LMCD1: variants seen among roughly 807,000 people sequenced by gnomAD.
LMCD1 encodes LIM and cysteine-rich domains protein 1.
LMCD1 carries 32 observed loss-of-function variants against 42.7 expected under a neutral mutation model. The observed-to-expected ratio is 0.75, with a 90% confidence interval of 0.57 to 1.01. The LOEUF is 1.01. Ranked by LOEUF, LMCD1 falls within the 50% of genes least tolerant of loss-of-function variation. The pLI is 0.00. For synonymous variants in LMCD1, 178 were observed against 184.9 expected (o/e 0.96, Z 0.30); for missense variants, 458 against 483.1 (o/e 0.95, Z 0.49).
At chr3:8,557,638 G>A (rs759533711) in intron 4 of LMCD1, among the ~76,000 whole-genome samples, 23 of 152,176 alleles carry the variant, frequency 1.5e-4, no homozygotes, top group Admixed American at 7.9e-4. Context: ...CCATTGTCCC[G>A]AGTCTGCTGT....
At chr3:8,532,038 G>A (rs1264454927) in intron 1 of LMCD1, among the ~76,000 whole-genome samples, 1 of 152,120 alleles carries the variant, frequency 6.6e-6, no homozygotes, top group Admixed American at 6.5e-5. Context: ...GCTGGAGTCG[G>A]GTCTAAGGGT....
At chr3:8,526,633 G>T (rs962118482) in intron 1 of LMCD1, among the ~76,000 whole-genome samples, 6 of 152,164 alleles carry the variant, frequency 3.9e-5, no homozygotes, top group Non-Finnish European at 4.4e-5. Context: ...CAGAATGTTT[G>T]ATTTCATAGG....
intron 4 of LMCD1, among the ~76,000 whole-genome samples, chr3:8,554,905 A>G (rs1694903492): frequency 6.6e-6 from 1 of 152,108 alleles, no homozygotes. Context: ...ATAGCCTTTA[A>G]TGTGATCTCT....
At position 8,571,268 on chromosome 3, in the gene LMCD1, G is replaced by A. The variant is rs142692700; in HGVS notation, c.*3670G>A. 4 of 152,144 alleles carry A rather than the reference G, an allele frequency of 2.6e-5. No individual in the cohort carries two copies. Among genetic ancestry groups the A allele is most frequent in the East Asian group, 3.9e-4 (2 of 5,182 alleles). The allele number at this position is 152,144 out of a possible 1,614,324, so 9.4% of individuals were successfully genotyped here. A position where few individuals can be genotyped will look rare whatever the true frequency, so the allele number is the denominator to read the frequency against. ...CCCTATGAACTTCTAAAGAATAATC[G>A]TATTATCTTTATTTCCCCAACTCTT... On this transcript the variant is annotated 3_prime_UTR_variant, in exon 6 of 6. Coordinates refer to ENST00000157600, the MANE Select transcript of LMCD1 (RefSeq NM_014583.4).
At chr3:8,537,668 A>T in intron 3 of LMCD1, 1 of 445,866 alleles carries the variant, frequency 2.2e-6, no homozygotes, top group Non-Finnish European at 3.9e-6. Flanking sequence ...GTTCATATGG[A>T]CCCCAAGAGG....
At chr3:8,526,787 G>A (rs893173994) in intron 1 of LMCD1, among the ~76,000 whole-genome samples, 3 of 152,186 alleles carry the variant, frequency 2.0e-5, no homozygotes, top group Non-Finnish European at 2.9e-5. Context: ...CCTTCACACA[G>A]TGCCTGGAAA....
intron 1 of LMCD1, among the ~76,000 whole-genome samples, chr3:8,522,991 T>C (rs1174226150): frequency 6.6e-6 from 1 of 152,086 alleles, no homozygotes; most frequent in African/African-American, 2.4e-5. Flanking sequence ...ACACAAACCA[T>C]GTAATAGGAA....
chr3:8,567,428 T>A lies in LMCD1; in HGVS notation c.940-12T>A, dbSNP rs1256973712. On this transcript the variant is annotated splice_polypyrimidine_tract_variant and intron_variant, in intron 5 of 5. Coordinates refer to ENST00000157600, the MANE Select transcript of LMCD1 (RefSeq NM_014583.4). Reference sequence around the variant, plus strand: ...AAACTGAGTCATGCATTTCTCCTGCTCCCCTCCCCAGATAATATTCGCTGA... The same window carrying A: ...AAACTGAGTCATGCATTTCTCCTGCACCCCTCCCCAGATAATATTCGCTGA... 5.0e-6 allele frequency: 8 copies of A among 1,612,828 alleles called. No homozygotes were observed. Among genetic ancestry groups the A allele is most frequent in the Non-Finnish European group, 6.8e-6 (8 of 1,179,188 alleles).
chr3:8,532,438 C>G (rs1694429537), intron 1 of LMCD1, among the ~76,000 whole-genome samples: 1 of 152,122 alleles, frequency 6.6e-6, no homozygotes. Flanking sequence ...TCACTCACAG[C>G]AGGGCGTTTC....
chr3:8,518,754 G>C (rs953780742), intron 1 of LMCD1, among the ~76,000 whole-genome samples: 1 of 152,170 alleles, frequency 6.6e-6, no homozygotes, highest in Non-Finnish European at 1.5e-5. Context: ...TCTAAGAAGA[G>C]AGGAGAAGAG....
chr3:8,530,438 C>A (rs1246143351), intron 1 of LMCD1, among the ~76,000 whole-genome samples: 23 of 152,214 alleles, frequency 1.5e-4, no homozygotes, highest in Non-Finnish European at 3.2e-4. Context: ...TATTCTAAAT[C>A]AAACCCCGAG....
At chr3:8,539,799 TTATTATTATTATTA>T (rs1694585084) in intron 3 of LMCD1, among the ~76,000 whole-genome samples, 3 of 75,738 alleles carry the variant, frequency 4.0e-5, no homozygotes, top group Admixed American at 1.4e-4. Context: ...AACATTTTTA[TTATTATTATTATTA>T]TTATTATTAT....
chr3:8,505,893 G>A (rs1428072458), intron 1 of LMCD1, among the ~76,000 whole-genome samples: 20 of 152,348 alleles, frequency 1.3e-4, no homozygotes, highest in Non-Finnish European at 2.6e-4. Context: ...ACAGCTCCTC[G>A]TGAATTGTCG....
intron 3 of LMCD1, among the ~76,000 whole-genome samples, chr3:8,540,817 A>G (rs528042851): frequency 6.6e-6 from 1 of 152,294 alleles, no homozygotes; most frequent in South Asian, 2.1e-4. Context: ...TTACAGGCTC[A>G]TTTTACAGAG....
rs142425040 is a variant in LMCD1 at position 8,561,346 on chromosome 3, A to G, written c.724-4086A>G. Among the ~76,000 whole-genome samples the G allele has an allele frequency of 7.8e-3, 1,189 of 152,072 alleles. 4 individuals are homozygous for G. The highest frequency in any genetic ancestry group is 0.017 in the Middle Eastern group (5 of 294). ...AAACAACTTTCCATGGGTTTTTTAA[A>G]TGAAATTCAAAAGATAATAATAATT... On this transcript the variant is annotated intron_variant, in intron 4 of 5. Transcript: ENST00000157600.
At chr3:8,528,879 C>A (rs977921206) in intron 1 of LMCD1, among the ~76,000 whole-genome samples, 2 of 152,112 alleles carry the variant, frequency 1.3e-5, no homozygotes, top group Non-Finnish European at 1.5e-5. Flanking sequence ...TAATCTAAGT[C>A]CTTTTAAGTC....
intron 1 of LMCD1, among the ~76,000 whole-genome samples, chr3:8,518,236 G>A (rs1053367744): frequency 1.3e-5 from 2 of 152,212 alleles, no homozygotes; most frequent in Non-Finnish European, 1.5e-5. Flanking sequence ...AATGAGCCCA[G>A]ACCAGAAATG....
chr3:8,556,260 CA>C (rs773655097), intron 4 of LMCD1, among the ~76,000 whole-genome samples: 151 of 152,104 alleles, frequency 9.9e-4, no homozygotes, highest in Admixed American at 3.3e-3. Context: ...CAAAGTTAAA[CA>C]GTGTTTTCAA....
intron 5 of LMCD1, 123 bp from the exon 6 acceptor site, chr3:8,567,317 G>A: frequency 1.0e-6 from 1 of 978,574 alleles, no homozygotes. Context: ...TTCCACTAAG[G>A]CTTTAAAAGG....
Sources: allele counts gnomAD v4.1 joint callset (sites outside exome capture counted in the v4.1 genomes callset), GRCh38; gene constraint gnomAD v4.1.1; transcripts MANE v1.5; gene names NCBI Gene and HGNC (gene_info 2026-07-23, HGNC 2026-07-21).